Variants in ABLIM1 observed in about 807,000 individuals in gnomAD.
ABLIM1 encodes actin-binding LIM protein 1.
Under a neutral mutation model 107.0 loss-of-function variants are expected in ABLIM1, and 40 were observed. The ratio of observed to expected loss-of-function variants is 0.37; its 90% CI spans 0.29 to 0.49. The LOEUF (loss-of-function observed/expected upper bound fraction) is 0.49, where lower values mean the gene tolerates loss of function less well. ABLIM1 is among the 20% of genes least tolerant of loss of function. The pLI is 0.97. For synonymous variants in ABLIM1, 357 were observed against 357.3 expected, an observed-to-expected ratio of 1.00 and a Z score of 0.01; for missense variants, 857 against 1,008.5, an observed-to-expected ratio of 0.85 and a Z score of 2.04.
chr10:114,663,930 A>G (rs566963348), intron 1 of ABLIM1, among the ~76,000 whole-genome samples: 4 of 152,328 alleles, frequency 2.6e-5, no homozygotes, highest in African/African-American at 9.6e-5. Flanking sequence ...AAAAATGCAG[A>G]GAGAAGCGTT....
intron 1 of ABLIM1, among the ~76,000 whole-genome samples, chr10:114,765,743 T>G (rs2142721120): frequency 1.3e-5 from 2 of 152,340 alleles, no homozygotes; most frequent in South Asian, 4.1e-4. Flanking sequence ...AAAAGATACG[T>G]AAAATCCTCA....
intron 1 of ABLIM1, among the ~76,000 whole-genome samples, chr10:114,760,272 C>T (rs537875103): frequency 6.6e-6 from 1 of 151,796 alleles, no homozygotes; most frequent in Admixed American, 6.6e-5. Flanking sequence ...TATATGGTTG[C>T]CAGTTCTGTT....
chr10:114,549,288 G>C (rs2067749416), intron 4 of ABLIM1, among the ~76,000 whole-genome samples: 2 of 152,192 alleles, frequency 1.3e-5, no homozygotes, highest in Admixed American at 1.3e-4. Flanking sequence ...GGAGGCTGAG[G>C]CAGGAGAATT....
intron 1 of ABLIM1, among the ~76,000 whole-genome samples, chr10:114,668,630 G>T (rs2080124623): frequency 6.6e-6 from 1 of 152,140 alleles, no homozygotes; most frequent in Non-Finnish European, 1.5e-5. Flanking sequence ...ACACTGCCAT[G>T]CCCAGCTTGA....
intron 12 of ABLIM1, among the ~76,000 whole-genome samples, chr10:114,455,598 G>A (rs1023315876): frequency 6.6e-6 from 1 of 152,146 alleles, no homozygotes; most frequent in African/African-American, 2.4e-5. Flanking sequence ...CATCATCAGT[G>A]CTCAGGGTAT....
At chr10:114,568,053 G>C (rs1213002513) in intron 4 of ABLIM1, among the ~76,000 whole-genome samples, 1 of 151,484 alleles carries the variant, frequency 6.6e-6, no homozygotes, top group Non-Finnish European at 1.5e-5. Flanking sequence ...AGCCGGGCGC[G>C]GTGGCAGGCG....
chr10:114,635,105 C>T (rs1386418732), intron 1 of ABLIM1, among the ~76,000 whole-genome samples: 1 of 152,140 alleles, frequency 6.6e-6, no homozygotes, highest in African/African-American at 2.4e-5. Context: ...AATCTCATTC[C>T]ACTCAGATGA....
At chr10:114,640,148 G>A (rs192551497) in intron 1 of ABLIM1, among the ~76,000 whole-genome samples, 50 of 152,324 alleles carry the variant, frequency 3.3e-4, no homozygotes, top group Middle Eastern at 6.8e-3. Flanking sequence ...AACTAGCGCT[G>A]TCTTCCTTTT....
At chr10:114,774,432 T>C in the ABLIM1 span, among the ~76,000 whole-genome samples, 52 of 152,212 alleles carry the variant, frequency 3.4e-4, no homozygotes, top group South Asian at 5.2e-3. Context: ...CGAGAGGCCA[T>C]GGTGGATGGA....
At chr10:114,726,775 C>T (rs1389134617) in intron 1 of ABLIM1, among the ~76,000 whole-genome samples, 1 of 151,742 alleles carries the variant, frequency 6.6e-6, no homozygotes, top group Admixed American at 6.6e-5. Flanking sequence ...AGTGAGACTC[C>T]GTCTCAAAAA....
intron 1 of ABLIM1, among the ~76,000 whole-genome samples, chr10:114,718,094 G>C (rs2081738025): frequency 1.2e-5 from 1 of 82,144 alleles, no homozygotes; most frequent in Non-Finnish European, 3.1e-5. Context: ...AGGAAGGAAG[G>C]AAAAGAAAAA....
At chr10:114,465,006 C>A (rs539653124) in intron 12 of ABLIM1, among the ~76,000 whole-genome samples, 24 of 152,320 alleles carry the variant, frequency 1.6e-4, no homozygotes, top group African/African-American at 5.8e-4. Flanking sequence ...AGACTAAATT[C>A]TCTGCAGATG....
intron 1 of ABLIM1, among the ~76,000 whole-genome samples, chr10:114,674,182 C>A (rs1399352531): frequency 1.3e-5 from 2 of 150,324 alleles, no homozygotes; most frequent in Non-Finnish European, 2.9e-5. Flanking sequence ...CCCAGCTACT[C>A]AGGAGGCTGA....
Position 114,468,199 on chromosome 10 carries a change from A to G in ABLIM1, c.1293T>C (p.Ser431=), listed in dbSNP as rs765699535. Residue 431 remains serine, a synonymous_variant, in exon 11 of 23, where the codon TCT becomes TCC. Transcript: ENST00000533213. ...TACTTACTTCTGCTGATGGAGTAGG[A>G]GACAAAGTCCTCGGAGACTAGAAAA... The part of the protein sequence containing the change: ...QSLGESPRTL[S]PTPSAEGYQD... 12 of 1,613,066 alleles carry G rather than the reference A, an allele frequency of 7.4e-6. No homozygotes were observed. Among genetic ancestry groups the G allele is most frequent in the South Asian group, 6.6e-5 (6 of 91,058 alleles).
the ABLIM1 span, among the ~76,000 whole-genome samples, chr10:114,800,702 T>C: frequency 6.0e-4 from 91 of 152,176 alleles, no homozygotes; most frequent in African/African-American, 2.0e-3. Context: ...CATTTGAGAT[T>C]AGTAGTTTGA....
At chr10:114,787,207 C>T in the ABLIM1 span, among the ~76,000 whole-genome samples, 1 of 150,776 alleles carries the variant, frequency 6.6e-6, no homozygotes, top group African/African-American at 2.4e-5. Context: ...AGTGAGGAGA[C>T]CCTCTGCCTG....
At chr10:114,561,466 A>G (rs977779553) in intron 4 of ABLIM1, among the ~76,000 whole-genome samples, 1 of 152,210 alleles carries the variant, frequency 6.6e-6, no homozygotes, top group African/African-American at 2.4e-5. Context: ...TTAAATAGGT[A>G]AAAACATAGG....
intron 6 of ABLIM1, among the ~76,000 whole-genome samples, chr10:114,497,681 C>CAAAAAAAAAAAAAAAAAAAA (rs576676119): frequency 1.3e-5 from 1 of 75,590 alleles, no homozygotes; most frequent in Non-Finnish European, 2.5e-5. Context: ...GATTCTGTCT[C>CAAAAAAAAAAAAAAAAAAAA]AAAAAAAAAA....
chr10:114,607,616 G>A (rs1045055987), intron 1 of ABLIM1, among the ~76,000 whole-genome samples: 2 of 152,176 alleles, frequency 1.3e-5, no homozygotes, highest in Non-Finnish European at 1.5e-5. Context: ...TGATGAAAAT[G>A]GGCACTTTGC....
Sources: gnomAD v4.1 joint callset for allele counts (sites outside exome capture counted in the v4.1 genomes callset) on GRCh38, gnomAD v4.1.1 for gene constraint, MANE v1.5 for transcripts, NCBI Gene and HGNC (gene_info 2026-07-23, HGNC 2026-07-21) for gene names.